Variants in ST18 observed in about 807,000 individuals in gnomAD.
ST18 encodes suppression of tumorigenicity 18 protein.
Under a neutral mutation model 110.0 loss-of-function variants are expected in ST18, and 50 were observed. That is an observed-to-expected ratio of 0.45 (90% CI 0.36 to 0.58). ST18 has a LOEUF of 0.58. Ranked by LOEUF, ST18 falls within the 20% of genes least tolerant of loss-of-function variation. ST18 has a pLI of 0.00. For synonymous variants in ST18, 461 were observed against 452.4 expected (o/e 1.02, Z -0.24); for missense variants, 1,306 against 1,280.1 (o/e 1.02, Z -0.31).
intron 11 of ST18, among the ~76,000 whole-genome samples, chr8:52,166,316 A>C (rs1315418718): frequency 1.3e-5 from 2 of 152,222 alleles, no homozygotes; most frequent in African/African-American, 4.8e-5. Flanking sequence ...TTAAAAATGC[A>C]ATCCAGCCAA....
At chr8:52,195,385 TATATA>T (rs1312741368) in intron 8 of ST18, among the ~76,000 whole-genome samples, 6 of 152,068 alleles carry the variant, frequency 3.9e-5, no homozygotes, top group African/African-American at 9.7e-5. Context: ...TTCTTTTGAG[TATATA>T]ATATAATAAA....
At chr8:52,242,752 T>C (rs6990389) in intron 2 of ST18, among the ~76,000 whole-genome samples, 32,070 of 151,572 alleles carry the variant, frequency 0.21, 3,660 homozygotes, top group African/African-American at 0.29. Flanking sequence ...CCTGTAATCC[T>C]AGCTACTTGG....
chr8:52,184,360 T>C (rs769519841), intron 8 of ST18, among the ~76,000 whole-genome samples: 2 of 152,346 alleles, frequency 1.3e-5, no homozygotes, highest in East Asian at 1.9e-4. Context: ...TTCAACTCCA[T>C]ACTTTTCAAG....
At chr8:52,193,200 T>C (rs2075145478) in intron 8 of ST18, among the ~76,000 whole-genome samples, 1 of 152,158 alleles carries the variant, frequency 6.6e-6, no homozygotes, top group African/African-American at 2.4e-5. Context: ...AGGTAGATAA[T>C]GAAGTTAATA....
Position 52,172,524 on chromosome 8 carries a change from T to C in ST18, c.337A>G (p.Ser113Gly). The change falls in exon 10 of 26, where the codon AGT (serine) becomes GGT (glycine). Residue 113 changes from serine to glycine, a missense_variant. Coordinates refer to ENST00000689386, the MANE Select transcript of ST18 (RefSeq NM_001352837.2). ...CAAGAGTATCTGTCTTCCTTCCTAC[T>C]GGAGTTTTCTTGTGCAGTTGAAAGA... Reference protein sequence around the residue: ...SLLSTAQENSSRKEDRYSCYQ... With the variant: ...SLLSTAQENSGRKEDRYSCYQ... 1.2e-6 allele frequency: 2 copies of C among 1,611,166 alleles called. No individual in the cohort carries two copies. Among genetic ancestry groups the C allele is most frequent in the Non-Finnish European group, 1.7e-6 (2 of 1,179,320 alleles).
intron 2 of ST18, among the ~76,000 whole-genome samples, chr8:52,319,891 C>A (rs1209952002): frequency 1.3e-5 from 2 of 152,142 alleles, no homozygotes; most frequent in Non-Finnish European, 2.9e-5. Context: ...TGGCAACTGG[C>A]CTCCCCAAAC....
intron 7 of ST18, among the ~76,000 whole-genome samples, chr8:52,213,202 T>C (rs1021065618): frequency 1.1e-4 from 16 of 152,240 alleles, no homozygotes; most frequent in Non-Finnish European, 1.2e-4. Context: ...TTCTGCATTT[T>C]GATTACCATG....
intron 2 of ST18, among the ~76,000 whole-genome samples, chr8:52,317,237 T>A (rs1478615001): frequency 1.3e-5 from 2 of 152,174 alleles, no homozygotes; most frequent in Admixed American, 1.3e-4. Context: ...GGGATCTTGA[T>A]GAGATTATCC....
At chr8:52,154,112 G>C (rs1041885800) in intron 15 of ST18, among the ~76,000 whole-genome samples, 2 of 152,178 alleles carry the variant, frequency 1.3e-5, no homozygotes, top group African/African-American at 4.8e-5. Flanking sequence ...CCTTGCACCT[G>C]TATCAACCAG....
At chr8:52,374,094 G>C (rs13258033) in intron 2 of ST18, among the ~76,000 whole-genome samples, 114,606 of 151,968 alleles carry the variant, frequency 0.75, 48,115 homozygotes, top group Non-Finnish European at 0.93. Context: ...AACTTCCAGA[G>C]GCTCTGTACT....
intron 2 of ST18, among the ~76,000 whole-genome samples, chr8:52,373,675 A>C (rs1831075881): frequency 6.6e-6 from 1 of 151,628 alleles, no homozygotes. Flanking sequence ...TCATGTCTTC[A>C]CTCTCCTCTT....
chr8:52,129,441 G>A (rs2048328753), intron 22 of ST18, among the ~76,000 whole-genome samples: 1 of 127,480 alleles, frequency 7.8e-6, no homozygotes, highest in Non-Finnish European at 1.6e-5. Context: ...GTGACAGAGT[G>A]AGACTCCATC....
intron 2 of ST18, among the ~76,000 whole-genome samples, chr8:52,348,233 G>A (rs1258904730): frequency 6.6e-6 from 1 of 152,142 alleles, no homozygotes. Flanking sequence ...ACAAACCCCA[G>A]TTCTCTCAGT....
intron 2 of ST18, among the ~76,000 whole-genome samples, chr8:52,233,472 G>C (rs2091969681): frequency 1.3e-5 from 2 of 152,138 alleles, no homozygotes; most frequent in African/African-American, 4.8e-5. Context: ...TAATCCTACA[G>C]ATCTAGGATG....
intron 2 of ST18, among the ~76,000 whole-genome samples, chr8:52,328,789 A>G (rs1025279654): frequency 2.0e-5 from 3 of 152,232 alleles, no homozygotes; most frequent in African/African-American, 7.2e-5. Context: ...AAAAAATACC[A>G]GCATTTTTTG....
intron 2 of ST18, among the ~76,000 whole-genome samples, chr8:52,230,767 G>C (rs1271222199): frequency 1.3e-5 from 2 of 152,010 alleles, no homozygotes; most frequent in African/African-American, 4.8e-5. Flanking sequence ...CAGGTCCCTG[G>C]GTTCACCACT....
chr8:52,371,015 C>G (rs1349329008), intron 2 of ST18, among the ~76,000 whole-genome samples: 1 of 152,210 alleles, frequency 6.6e-6, no homozygotes, highest in Non-Finnish European at 1.5e-5. Context: ...TAATACAACA[C>G]TAGACAACAC....
At chr8:52,178,045 G>T (rs1184733423) in intron 9 of ST18, among the ~76,000 whole-genome samples, 1 of 152,146 alleles carries the variant, frequency 6.6e-6, no homozygotes, top group Non-Finnish European at 1.5e-5. Context: ...GTCCATCAGT[G>T]CTTGTAACTG....
intron 8 of ST18, among the ~76,000 whole-genome samples, chr8:52,200,307 T>A (rs1437832579): frequency 6.6e-6 from 1 of 152,212 alleles, no homozygotes; most frequent in African/African-American, 2.4e-5. Flanking sequence ...GAATAAGTGC[T>A]TGTAATTGCA....
Sources: allele counts gnomAD v4.1 joint callset (sites outside exome capture counted in the v4.1 genomes callset), GRCh38; gene constraint gnomAD v4.1.1; transcripts MANE v1.5; gene names NCBI Gene and HGNC (gene_info 2026-07-23, HGNC 2026-07-21).